Variants in GRIP1 observed in about 807,000 individuals in gnomAD.
The protein encoded by GRIP1 is glutamate receptor interacting protein 1.
GRIP1 carries 45 observed loss-of-function variants against 129.9 expected under a neutral mutation model. That is an observed-to-expected ratio of 0.35 (90% CI 0.27 to 0.44). The LOEUF (loss-of-function observed/expected upper bound fraction) is 0.44. Ranked by LOEUF, GRIP1 falls within the 20% of genes least tolerant of loss-of-function variation. The pLI, the probability that GRIP1 is intolerant of heterozygous loss-of-function variation, is 1.00. For missense variants in GRIP1, 1,196 were observed against 1,396.8 expected (o/e 0.86, Z 2.29); for synonymous variants, 530 against 520.8 (o/e 1.02, Z -0.24).
intron 1 of GRIP1, among the ~76,000 whole-genome samples, chr12:66,881,685 G>A (rs1415970398): frequency 6.6e-6 from 1 of 152,134 alleles, no homozygotes; most frequent in Non-Finnish European, 1.5e-5. Context: ...GTGGAAGGCT[G>A]AGTAGCTTGA....
At position 66,977,058 on chromosome 12, in the gene GRIP1, C is replaced by T. The variant is rs756993802; in HGVS notation, c.58+91992G>A. On this transcript the variant is annotated intron_variant, in intron 1 of 1. Transcript: ENST00000643019. ...ACTTATATGATTGAAAATACAATTTCGGAAACAGAAGCAGGTTGCTAATTA... is the reference window on the plus strand; with the variant it reads ...ACTTATATGATTGAAAATACAATTTTGGAAACAGAAGCAGGTTGCTAATTA... Among the ~76,000 whole-genome samples, 4 of 152,086 alleles carry T rather than the reference C, an allele frequency of 2.6e-5. No individual in the cohort carries two copies. The East Asian group carries it at 5.8e-4, about 22-fold the overall frequency.
intron 1 of GRIP1, among the ~76,000 whole-genome samples, chr12:66,704,359 T>C (rs1236631901): frequency 6.6e-6 from 1 of 151,948 alleles, no homozygotes; most frequent in Non-Finnish European, 1.5e-5. Context: ...GTAATCAGAA[T>C]TGTAAAGAAT....
At position 67,028,849 on chromosome 12, in the gene GRIP1, G is replaced by A. The variant is rs141189220; in HGVS notation, c.58+40201C>T. The stretch of plus-strand genomic sequence containing the variant: ...TAAATTAATTAAGTCAAGAGCATTT[G>A]TGGAGAACACTGGTTATAAAATTTC... On this transcript the variant is annotated intron_variant, in intron 1 of 1. Coordinates refer to the GRIP1 transcript ENST00000643019. Among the ~76,000 whole-genome samples the A allele has an allele frequency of 3.3e-4, 50 of 152,232 alleles. No individual in the cohort carries two copies. The East Asian group carries it at 9.5e-3, about 29-fold the overall frequency.
intron 1 of GRIP1, among the ~76,000 whole-genome samples, chr12:66,801,715 C>T (rs912053994): frequency 2.0e-5 from 3 of 152,020 alleles, no homozygotes; most frequent in Non-Finnish European, 4.4e-5. Flanking sequence ...TGGCAATCTT[C>T]TCTAAAGGAA....
chr12:66,874,057 G>A (rs890420796), intron 1 of GRIP1, among the ~76,000 whole-genome samples: 2 of 152,050 alleles, frequency 1.3e-5, no homozygotes, highest in Admixed American at 1.3e-4. Context: ...CATGTGATCT[G>A]GTGGAGATAC....
At chr12:66,349,983 C>T (rs1264498690) in intron 24 of GRIP1, among the ~76,000 whole-genome samples, 1 of 151,998 alleles carries the variant, frequency 6.6e-6, no homozygotes, top group Non-Finnish European at 1.5e-5. Flanking sequence ...CAGGTCCTCC[C>T]TGACACATTG....
intron 1 of GRIP1, among the ~76,000 whole-genome samples, chr12:66,989,600 G>A (rs776614556): frequency 2.6e-5 from 4 of 152,132 alleles, no homozygotes; most frequent in Non-Finnish European, 4.4e-5. Context: ...TCATTAAACA[G>A]AAAATCTTTA....
At chr12:66,542,747 C>T (rs775169142) in intron 2 of GRIP1, among the ~76,000 whole-genome samples, 4 of 152,168 alleles carry the variant, frequency 2.6e-5, no homozygotes, top group Admixed American at 1.3e-4. Flanking sequence ...TATTTACCTT[C>T]CAGAGGCTAA....
intron 1 of GRIP1, among the ~76,000 whole-genome samples, chr12:66,632,191 T>G (rs2030867721): frequency 1.3e-5 from 2 of 152,170 alleles, no homozygotes; most frequent in African/African-American, 4.8e-5. Context: ...ATAATGAGAC[T>G]GGTGGAAGTA....
At chr12:66,559,627 T>A (rs975489258) in intron 2 of GRIP1, among the ~76,000 whole-genome samples, 2 of 151,872 alleles carry the variant, frequency 1.3e-5, no homozygotes, top group African/African-American at 2.4e-5. Flanking sequence ...AAGTGAAAGG[T>A]CTTTACAATG....
At chr12:66,534,005 GTCAGTTCTCCTTATGGACCT>G (rs1452648445) in intron 4 of GRIP1, among the ~76,000 whole-genome samples, 7 of 152,132 alleles carry the variant, frequency 4.6e-5, no homozygotes, top group African/African-American at 1.7e-4. Context: ...TCTTTTAGCA[GTCAGTTCTCCTTATGGACCT>G]TCAGGTGTGG....
chr12:66,418,230 A>G (rs2057678858), intron 15 of GRIP1, among the ~76,000 whole-genome samples: 1 of 152,210 alleles, frequency 6.6e-6, no homozygotes, highest in South Asian at 2.1e-4. Flanking sequence ...AAAACTGAAT[A>G]TCAACATGCA....
At chr12:67,030,162 G>C (rs1237921591) in intron 1 of GRIP1, among the ~76,000 whole-genome samples, 2 of 151,108 alleles carry the variant, frequency 1.3e-5, no homozygotes, top group East Asian at 3.9e-4. Context: ...AGTGAGCCAA[G>C]ATCGCCCCAC....
chr12:66,980,519 G>A (rs1038304692), intron 1 of GRIP1, among the ~76,000 whole-genome samples: 1 of 152,154 alleles, frequency 6.6e-6, no homozygotes, highest in African/African-American at 2.4e-5. Flanking sequence ...GCTGAGGCAG[G>A]AGAATCGCTT....
intron 5 of GRIP1, among the ~76,000 whole-genome samples, chr12:66,519,111 C>T (rs1216248003): frequency 1.3e-5 from 2 of 150,960 alleles, no homozygotes; most frequent in East Asian, 1.9e-4. Flanking sequence ...TGGCATAGGC[C>T]GAAAGGTCAA....
intron 1 of GRIP1, among the ~76,000 whole-genome samples, chr12:66,947,259 CT>C (rs1289849752): frequency 6.6e-6 from 1 of 152,146 alleles, no homozygotes; most frequent in Non-Finnish European, 1.5e-5. Context: ...ATGAATCATC[CT>C]GTTCCCAGAG....
At position 66,496,163 on chromosome 12, in the gene GRIP1, G is replaced by C. The variant is rs548062327; in HGVS notation, c.724+19456C>G. On this transcript the variant is annotated intron_variant, in intron 7 of 24. Coordinates refer to ENST00000359742, the MANE Select transcript of GRIP1 (RefSeq NM_001366722.1). ...TCCAGTGAGCTGGAAATGTAGTCTC[G>C]ATACTTAGCTTGTTCAAATATATGA... Among the ~76,000 whole-genome samples the C allele has an allele frequency of 1.1e-3, 162 of 152,182 alleles. 1 individual carries two copies. Among genetic ancestry groups the C allele is most frequent in the Non-Finnish European group, 1.8e-3 (121 of 67,998 alleles).
chr12:66,475,799 T>C, intron 7 of GRIP1, among the ~76,000 whole-genome samples: 1 of 152,160 alleles, frequency 6.6e-6, no homozygotes, highest in East Asian at 1.9e-4. Flanking sequence ...AGACACAACA[T>C]ACCAGAATCT....
chr12:66,943,359 G>A (rs1283742713), intron 1 of GRIP1, among the ~76,000 whole-genome samples: 1 of 152,162 alleles, frequency 6.6e-6, no homozygotes, highest in Non-Finnish European at 1.5e-5. Flanking sequence ...GAGAGAGCAC[G>A]GTCAAGGAAG....
Sources: allele counts gnomAD v4.1 joint callset (sites outside exome capture counted in the v4.1 genomes callset), GRCh38; gene constraint gnomAD v4.1.1; transcripts MANE v1.5; gene names NCBI Gene and HGNC (gene_info 2026-07-23, HGNC 2026-07-21).